The following DIP2C variants were observed in gnomAD, a reference collection of about 807,000 sequenced individuals.
DIP2C encodes the protein DIP2 acetate--CoA ligase C (putative), also known as disco-interacting protein 2 homolog C.
Under a neutral mutation model 192.4 loss-of-function variants are expected in DIP2C, and 33 were observed. That is an observed-to-expected ratio of 0.17 (90% CI 0.13 to 0.23). The LOEUF (loss-of-function observed/expected upper bound fraction) is 0.23, where lower values mean the gene tolerates loss of function less well. Among genes scored for constraint, DIP2C ranks in the 10% least tolerant of loss-of-function variants. The pLI, the probability that DIP2C is intolerant of heterozygous loss-of-function variation, is 1.00. For missense variants in DIP2C, 1,537 were observed against 2,110.1 expected, an observed-to-expected ratio of 0.73 and a Z score of 5.32; for synonymous variants, 979 against 864.1, an observed-to-expected ratio of 1.13 and a Z score of -2.33.
At chr10:344,317 G>C (rs1351337504) in intron 28 of DIP2C, among the ~76,000 whole-genome samples, 2 of 138,736 alleles carry the variant, frequency 1.4e-5, no homozygotes, top group Non-Finnish European at 3.1e-5. Context: ...GCGAGGTAAA[G>C]CCAGCTCACC....
chr10:623,877 G>A (rs1854034315), intron 1 of DIP2C, among the ~76,000 whole-genome samples: 1 of 152,222 alleles, frequency 6.6e-6, no homozygotes, highest in South Asian at 2.1e-4. Context: ...ACAGTGAGAA[G>A]TGAGGTGGAT....
intron 32 of DIP2C, among the ~76,000 whole-genome samples, chr10:297,236 CCACATA>C (rs1955802395): frequency 1.4e-5 from 1 of 73,358 alleles, no homozygotes; most frequent in Non-Finnish European, 2.4e-5. Flanking sequence ...CCCCACCCCA[CCACATA>C]CACACACACA....
chr10:659,473 A>C (rs940730532), intron 1 of DIP2C, among the ~76,000 whole-genome samples: 2 of 152,246 alleles, frequency 1.3e-5, no homozygotes, highest in Non-Finnish European at 2.9e-5. Context: ...CTTGTAATTA[A>C]TAAACTCTAC....
intron 1 of DIP2C, among the ~76,000 whole-genome samples, chr10:660,901 T>C (rs994254991): frequency 6.6e-6 from 1 of 152,162 alleles, no homozygotes; most frequent in African/African-American, 2.4e-5. Context: ...TCCTCACAGC[T>C]AGCACATCAC....
chr10:498,037 A>AAC (rs1427719761), intron 1 of DIP2C, among the ~76,000 whole-genome samples: 2 of 123,796 alleles, frequency 1.6e-5, no homozygotes, highest in African/African-American at 4.9e-5. Flanking sequence ...ACACCCGGCT[A>AAC]ACAGTGTATT....
intron 3 of DIP2C, among the ~76,000 whole-genome samples, chr10:441,405 C>G (rs1967720373): frequency 1.3e-5 from 2 of 152,174 alleles, no homozygotes; most frequent in South Asian, 4.1e-4. Flanking sequence ...GAGCACCAGC[C>G]ACAGGCCAGG....
chr10:345,221 G>T, intron 26 of DIP2C, 111 bp from the exon 27 acceptor site: 3 of 1,065,738 alleles, frequency 2.8e-6, no homozygotes, highest in Non-Finnish European at 4.2e-6. Flanking sequence ...TAGCTTTAAC[G>T]GGCAGATGAG....
rs114068665 is a variant in DIP2C, at chr10:286,237, A to G, written c.4119+36T>C. 3.4e-3 allele frequency: 5,408 copies of G among 1,607,914 alleles called. 168 individuals are homozygous for G. The African/African-American group carries it at 0.063, about 19-fold the overall frequency. Reference sequence around the variant, plus strand: ...AAGGCAAGCCAAGGATACATAACAGAAAAGTAACCTGGATCTCGGAGGACA... The same window carrying G: ...AAGGCAAGCCAAGGATACATAACAGGAAAGTAACCTGGATCTCGGAGGACA... On this transcript the variant is annotated intron_variant, in intron 34 of 36. Transcript: ENST00000280886.
At chr10:533,619 T>TC (rs1439847939) in intron 1 of DIP2C, among the ~76,000 whole-genome samples, 2 of 135,212 alleles carry the variant, frequency 1.5e-5, no homozygotes, top group Non-Finnish European at 3.1e-5. Context: ...CAAACCTGCC[T>TC]CCCCATGCTC....
intron 4 of DIP2C, among the ~76,000 whole-genome samples, chr10:435,324 A>G (rs1967090940): frequency 6.6e-6 from 1 of 152,168 alleles, no homozygotes. Flanking sequence ...GCTCCTGCAT[A>G]TTTGAAAATG....
chr10:687,379 G>A (rs1831374740), intron 1 of DIP2C, among the ~76,000 whole-genome samples: 1 of 152,154 alleles, frequency 6.6e-6, no homozygotes, highest in African/African-American at 2.4e-5. Context: ...CAAAGTTAAA[G>A]ACCATCCAGC....
chr10:560,491 G>A (rs979384253), intron 1 of DIP2C, among the ~76,000 whole-genome samples: 4 of 152,132 alleles, frequency 2.6e-5, no homozygotes, highest in Non-Finnish European at 5.9e-5. Flanking sequence ...CCTGAAACTC[G>A]CGGCAGTGAA....
chr10:466,738 C>T (rs994172874), intron 3 of DIP2C, among the ~76,000 whole-genome samples: 2 of 151,730 alleles, frequency 1.3e-5, no homozygotes, highest in Non-Finnish European at 2.9e-5. Flanking sequence ...CATGAACAGA[C>T]ACTTCTCAAA....
chr10:298,401 C>A (rs952724759), intron 32 of DIP2C, among the ~76,000 whole-genome samples: 1 of 152,260 alleles, frequency 6.6e-6, no homozygotes, highest in Non-Finnish European at 1.5e-5. Context: ...CTGCTCATCA[C>A]TGATGGTGAC....
chr10:342,695 G>T (rs566783776), intron 28 of DIP2C, among the ~76,000 whole-genome samples: 380 of 152,272 alleles, frequency 2.5e-3, no homozygotes, highest in Middle Eastern at 0.024. Flanking sequence ...AGAGCTAGGA[G>T]TTAGAGCCCA....
At chr10:436,117 G>C (rs1001142268) in intron 4 of DIP2C, among the ~76,000 whole-genome samples, 1 of 152,054 alleles carries the variant, frequency 6.6e-6, no homozygotes, top group African/African-American at 2.4e-5. Context: ...AGTTCAGACC[G>C]GGCGCACTTC....
At chr10:434,853 C>A (rs924659675) in intron 4 of DIP2C, among the ~76,000 whole-genome samples, 1 of 152,082 alleles carries the variant, frequency 6.6e-6, no homozygotes, top group Non-Finnish European at 1.5e-5. Flanking sequence ...TATCTTTGAT[C>A]CTCTATAGGG....
At chr10:564,114 CTT>C (rs947273344) in intron 1 of DIP2C, among the ~76,000 whole-genome samples, 2 of 152,104 alleles carry the variant, frequency 1.3e-5, no homozygotes, top group African/African-American at 4.8e-5. Context: ...CAGAAAAAGA[CTT>C]AGGGGAGCAA....
chr10:390,680 C>G, intron 11 of DIP2C, 60 bp downstream of exon 11: 1 of 1,575,592 alleles, frequency 6.3e-7, no homozygotes, highest in South Asian at 1.2e-5. Flanking sequence ...GACGTATTCC[C>G]GCACCCGTCT....
Sources: allele counts gnomAD v4.1 joint callset (sites outside exome capture counted in the v4.1 genomes callset), GRCh38; gene constraint gnomAD v4.1.1; transcripts MANE v1.5; gene names NCBI Gene and HGNC (gene_info 2026-07-23, HGNC 2026-07-21).